The following SPPL3 variants were observed in gnomAD, a reference collection of about 807,000 sequenced individuals.
SPPL3 encodes signal peptide peptidase-like 3.
SPPL3 carries 5 observed loss-of-function variants against 42.4 expected under a neutral mutation model. That is an observed-to-expected ratio of 0.12 (90% CI 0.06 to 0.25). The LOEUF (loss-of-function observed/expected upper bound fraction) is 0.25, where lower values mean the gene tolerates loss of function less well. SPPL3 is among the 10% of genes least tolerant of loss of function. The pLI is 1.00. For missense variants in SPPL3, 235 were observed against 489.0 expected (o/e 0.48, Z 4.90); for synonymous variants, 195 against 181.8 (o/e 1.07, Z -0.58).
chr12:120,886,084 C>A (rs1198419609), intron 1 of SPPL3, among the ~76,000 whole-genome samples: 1 of 151,658 alleles, frequency 6.6e-6, no homozygotes, highest in Non-Finnish European at 1.5e-5. Context: ...CTCAGGTGAT[C>A]TGCCTGTCTC....
At chr12:120,839,484 T>C (rs946622006) in intron 1 of SPPL3, among the ~76,000 whole-genome samples, 2 of 151,992 alleles carry the variant, frequency 1.3e-5, no homozygotes, top group African/African-American at 4.8e-5. Context: ...ATTGTGCACA[T>C]GTACCCTAAA....
At chr12:120,847,376 T>A (rs1872077597) in intron 1 of SPPL3, among the ~76,000 whole-genome samples, 1 of 152,120 alleles carries the variant, frequency 6.6e-6, no homozygotes, top group African/African-American at 2.4e-5. Context: ...TACTGCAACC[T>A]CTGCCTCCTG....
intron 1 of SPPL3, among the ~76,000 whole-genome samples, chr12:120,818,362 C>G (rs1047865655): frequency 6.6e-6 from 1 of 152,156 alleles, no homozygotes; most frequent in Non-Finnish European, 1.5e-5. Flanking sequence ...ACCACTAATT[C>G]TTTAACTACA....
At chr12:120,857,516 C>T (rs563527351) in intron 1 of SPPL3, among the ~76,000 whole-genome samples, 1 of 152,342 alleles carries the variant, frequency 6.6e-6, no homozygotes, top group East Asian at 1.9e-4. Flanking sequence ...TATAAAGACA[C>T]ATGCATGTGT....
intron 6 of SPPL3, among the ~76,000 whole-genome samples, chr12:120,773,716 C>T (rs1869207926): frequency 6.6e-6 from 1 of 152,062 alleles, no homozygotes; most frequent in African/African-American, 2.4e-5. Context: ...CCTGTGCCTC[C>T]CAGGTTCAAG....
intron 1 of SPPL3, among the ~76,000 whole-genome samples, chr12:120,880,288 A>C (rs1002160932): frequency 6.6e-6 from 1 of 152,142 alleles, no homozygotes; most frequent in Non-Finnish European, 1.5e-5. Flanking sequence ...AATGGATCAA[A>C]AACATACAAA....
intron 2 of SPPL3, among the ~76,000 whole-genome samples, chr12:120,809,180 C>T (rs1429235015): frequency 2.0e-5 from 3 of 152,156 alleles, no homozygotes; most frequent in Non-Finnish European, 4.4e-5. Context: ...CCCATCTCTA[C>T]TAAAAATACA....
intron 1 of SPPL3, among the ~76,000 whole-genome samples, chr12:120,878,825 A>ACTAT (rs1309062864): frequency 6.6e-6 from 1 of 152,140 alleles, no homozygotes; most frequent in Non-Finnish European, 1.5e-5. Context: ...TAAGAATAAG[A>ACTAT]CGATAAGGCC....
At chr12:120,824,390 G>C (rs1871175945) in intron 1 of SPPL3, among the ~76,000 whole-genome samples, 1 of 151,984 alleles carries the variant, frequency 6.6e-6, no homozygotes, top group South Asian at 2.1e-4. Flanking sequence ...TGTCTGATTT[G>C]GCTATATTTT....
chr12:120,884,809 T>G (rs74240096), intron 1 of SPPL3, among the ~76,000 whole-genome samples: 21,591 of 57,424 alleles, frequency 0.38, 1,785 homozygotes, highest in East Asian at 0.55. Context: ...TTTTTTTGGG[T>G]TTTTTTTTTT....
intron 2 of SPPL3, among the ~76,000 whole-genome samples, chr12:120,810,220 A>T (rs1870640482): frequency 6.6e-6 from 1 of 152,088 alleles, no homozygotes; most frequent in South Asian, 2.1e-4. Flanking sequence ...GGGCTCAAGC[A>T]ATCCTCCTGT....
chr12:120,878,676 C>T (rs1339845085), intron 1 of SPPL3, among the ~76,000 whole-genome samples: 1 of 152,180 alleles, frequency 6.6e-6, no homozygotes, highest in Non-Finnish European at 1.5e-5. Flanking sequence ...TCCTTAAACT[C>T]AAAGCCCATA....
chr12:120,827,666 G>C (rs1056795957), intron 1 of SPPL3, among the ~76,000 whole-genome samples: 2 of 152,180 alleles, frequency 1.3e-5, no homozygotes, highest in African/African-American at 2.4e-5. Context: ...AACCTGGCTT[G>C]TGCCCCCCAG....
At chr12:120,898,633 G>T (rs1873883424) in intron 1 of SPPL3, among the ~76,000 whole-genome samples, 1 of 151,938 alleles carries the variant, frequency 6.6e-6, no homozygotes, top group Non-Finnish European at 1.5e-5. Context: ...CAGCAAAGAG[G>T]CTAATACAGG....
intron 1 of SPPL3, among the ~76,000 whole-genome samples, chr12:120,839,147 G>T (rs1871719942): frequency 6.6e-6 from 1 of 151,520 alleles, no homozygotes; most frequent in African/African-American, 2.4e-5. Context: ...AGAAAATGTG[G>T]CACATATACA....
In SPPL3 at chr12:120,865,240, C is replaced by T. The variant is rs1023570639; in HGVS notation, c.23+38605G>A. 2.6e-4 allele frequency among the ~76,000 whole-genome samples: 40 copies of T among 152,162 alleles called. 2 individuals carry two copies. The highest frequency in any genetic ancestry group is 2.9e-5 in the Non-Finnish European group (2 of 68,030). On this transcript the variant is annotated intron_variant, in intron 1 of 10. Transcript: ENST00000353487. Reference sequence around the variant, plus strand: ...CTGACACCCTCCCACATGAAAATGCCACTGTTTCATGTCTTACCATATCTG... The same window carrying T: ...CTGACACCCTCCCACATGAAAATGCTACTGTTTCATGTCTTACCATATCTG...
chr12:120,867,745 TA>T (rs202114358), intron 1 of SPPL3, among the ~76,000 whole-genome samples: 6,873 of 43,272 alleles, frequency 0.16, 191 homozygotes, highest in South Asian at 0.35. Flanking sequence ...ATTCATGTAT[TA>T]AAAAAAAATT....
chr12:120,900,575 T>A (rs2137074012), intron 1 of SPPL3, among the ~76,000 whole-genome samples: 4 of 123,832 alleles, frequency 3.2e-5, no homozygotes, highest in East Asian at 4.7e-4. Context: ...GCCTGCATGA[T>A]AAAGTGAGAC....
At chr12:120,767,305 A>G (rs1592952109) in intron 9 of SPPL3, 89 bp downstream of exon 9, 2 of 1,376,238 alleles carry the variant, frequency 1.5e-6, no homozygotes, top group East Asian at 2.3e-5. Flanking sequence ...CCTTCCATCC[A>G]GTAACTGTAG....
Sources: gnomAD v4.1 joint callset for allele counts (sites outside exome capture counted in the v4.1 genomes callset) on GRCh38, gnomAD v4.1.1 for gene constraint, MANE v1.5 for transcripts, NCBI Gene and HGNC (gene_info 2026-07-23, HGNC 2026-07-21) for gene names.